CNTLN: variants seen among roughly 807,000 people sequenced by gnomAD.
CNTLN encodes the protein centlein, centrosomal protein.
CNTLN carries 212 observed loss-of-function variants against 180.0 expected under a neutral mutation model. The observed-to-expected ratio is 1.18, with a 90% CI of 1.05 to 1.32. CNTLN has a LOEUF of 1.32. Among genes scored for constraint, CNTLN ranks in the 40% most tolerant of loss-of-function variants. The pLI is 0.00. For missense variants in CNTLN, 2,095 were observed against 1,610.9 expected, an observed-to-expected ratio of 1.30 and a Z score of -5.14; for synonymous variants, 722 against 563.1, an observed-to-expected ratio of 1.28 and a Z score of -3.99.
At chr9:17,208,413 G>T (rs960718014) in intron 2 of CNTLN, among the ~76,000 whole-genome samples, 1 of 152,128 alleles carries the variant, frequency 6.6e-6, no homozygotes, top group African/African-American at 2.4e-5. Context: ...TTCATCAGGG[G>T]TATTGGCCAG....
intron 16 of CNTLN, among the ~76,000 whole-genome samples, chr9:17,414,460 ATT>A (rs35321860): frequency 7.3e-5 from 11 of 150,068 alleles, no homozygotes; most frequent in African/African-American, 2.7e-4. Flanking sequence ...TGTAGTTTGG[ATT>A]TTTTTTTTAA....
intron 2 of CNTLN, among the ~76,000 whole-genome samples, chr9:17,211,244 G>A (rs981904347): frequency 1.3e-5 from 2 of 152,164 alleles, no homozygotes; most frequent in Admixed American, 6.5e-5. Context: ...AAGGTGTAAG[G>A]AAGGGATCCA....
At chr9:17,390,233 C>CT (rs1825998916) in intron 14 of CNTLN, among the ~76,000 whole-genome samples, 1 of 65,968 alleles carries the variant, frequency 1.5e-5, no homozygotes, top group Admixed American at 1.8e-4. Flanking sequence ...TGAAAAGAGC[C>CT]TCTTTTTTTT....
intron 15 of CNTLN, among the ~76,000 whole-genome samples, chr9:17,404,843 T>G (rs1248739290): frequency 6.6e-6 from 1 of 150,766 alleles, no homozygotes; most frequent in African/African-American, 2.5e-5. Context: ...GCGCAAACGA[T>G]TCTCCTGCCT....
chr9:17,377,994 A>C (rs960084721), intron 13 of CNTLN, among the ~76,000 whole-genome samples: 5 of 152,130 alleles, frequency 3.3e-5, no homozygotes, highest in Admixed American at 2.6e-4. Context: ...TTTTGCATAT[A>C]TTTTTGCATA....
At chr9:17,442,324 G>T (rs1830159211) in intron 18 of CNTLN, among the ~76,000 whole-genome samples, 1 of 152,180 alleles carries the variant, frequency 6.6e-6, no homozygotes, top group South Asian at 2.1e-4. Context: ...TATCTTTTCT[G>T]ATCATAATGG....
chr9:17,472,558 T>G (rs1350920486), intron 23 of CNTLN, among the ~76,000 whole-genome samples: 1 of 152,134 alleles, frequency 6.6e-6, no homozygotes, highest in Non-Finnish European at 1.5e-5. Flanking sequence ...TGTATGGTTC[T>G]CAACTTTGGA....
intron 5 of CNTLN, among the ~76,000 whole-genome samples, chr9:17,269,607 T>G (rs1337326418): frequency 1.3e-5 from 2 of 152,204 alleles, no homozygotes; most frequent in African/African-American, 2.4e-5. Context: ...ATTTCTGGTT[T>G]TATTACATTG....
chr9:17,288,092 G>A (rs1261336204), intron 6 of CNTLN, among the ~76,000 whole-genome samples: 193 of 132,638 alleles, frequency 1.5e-3, no homozygotes, highest in African/African-American at 6.2e-3. Context: ...TCTTTTAATT[G>A]TGATGTTAGG....
chr9:17,191,714 G>T (rs1485789852), intron 2 of CNTLN, among the ~76,000 whole-genome samples: 3 of 152,014 alleles, frequency 2.0e-5, no homozygotes, highest in Non-Finnish European at 4.4e-5. Context: ...TTGGTTTTGT[G>T]TAATTTTACA....
intron 12 of CNTLN, among the ~76,000 whole-genome samples, chr9:17,349,075 A>C (rs1030572176): frequency 6.6e-6 from 1 of 151,970 alleles, no homozygotes; most frequent in African/African-American, 2.4e-5. Flanking sequence ...GAAAGAAGAA[A>C]ACTCAAGGAA....
chr9:17,373,964 A>G (rs1242004855), intron 13 of CNTLN, among the ~76,000 whole-genome samples: 1 of 152,204 alleles, frequency 6.6e-6, no homozygotes, highest in African/African-American at 2.4e-5. Flanking sequence ...CAAAAATCAA[A>G]CACAATGGAT....
At chr9:17,153,287 C>T (rs1043992850) in intron 2 of CNTLN, among the ~76,000 whole-genome samples, 5 of 152,060 alleles carry the variant, frequency 3.3e-5, no homozygotes, top group Non-Finnish European at 5.9e-5. Context: ...TTGCAGTGGC[C>T]GATACCAGTT....
intron 1 of CNTLN, among the ~76,000 whole-genome samples, chr9:17,140,031 T>C (rs1817977240): frequency 6.6e-6 from 1 of 152,206 alleles, no homozygotes; most frequent in African/African-American, 2.4e-5. Context: ...AGAACATCTT[T>C]AAGTGCCTGA....
At chr9:17,394,406 A>C in intron 14 of CNTLN, 128 bp from the exon 15 acceptor site, 1 of 772,696 alleles carries the variant, frequency 1.3e-6, no homozygotes, top group Non-Finnish European at 1.9e-6. Flanking sequence ...ATTATCTAGA[A>C]ATTAAGTACT....
chr9:17,214,807 C>G (rs776347819), intron 2 of CNTLN, among the ~76,000 whole-genome samples: 1 of 152,164 alleles, frequency 6.6e-6, no homozygotes, highest in African/African-American at 2.4e-5. Context: ...TTCATTTGAT[C>G]TTCAATCACT....
At chr9:17,246,025 G>T (rs1002185281) in intron 5 of CNTLN, among the ~76,000 whole-genome samples, 1 of 152,022 alleles carries the variant, frequency 6.6e-6, no homozygotes, top group East Asian at 1.9e-4. Flanking sequence ...GTCTCTCCAC[G>T]ATTTGCCCTT....
At chr9:17,187,873 CT>C (rs1259910321) in intron 2 of CNTLN, among the ~76,000 whole-genome samples, 3 of 151,258 alleles carry the variant, frequency 2.0e-5, no homozygotes, top group African/African-American at 7.3e-5. Context: ...TTTATGAGAC[CT>C]TTTGTGGCAT....
chr9:17,333,726 T>C (rs538063477), intron 10 of CNTLN, among the ~76,000 whole-genome samples: 4 of 133,634 alleles, frequency 3.0e-5, no homozygotes, highest in Non-Finnish European at 5.1e-5. Flanking sequence ...ATGAAAATTA[T>C]AATGTGTTTC....
Sources: gnomAD v4.1 joint callset for allele counts (sites outside exome capture counted in the v4.1 genomes callset) on GRCh38, gnomAD v4.1.1 for gene constraint, MANE v1.5 for transcripts, NCBI Gene and HGNC (gene_info 2026-07-23, HGNC 2026-07-21) for gene names.